The following PARN variants were observed in gnomAD, a reference collection of about 807,000 sequenced individuals.
PARN encodes poly(A)-specific ribonuclease PARN.
In PARN, 71 loss-of-function variants were observed where a neutral mutation model predicts 102.8. The ratio of observed to expected loss-of-function variants is 0.69; its 90% CI spans 0.57 to 0.84. The LOEUF (loss-of-function observed/expected upper bound fraction) is 0.84. Ranked by LOEUF, PARN falls within the 40% of genes least tolerant of loss-of-function variation. The probability of loss-of-function intolerance (pLI) is 0.00; values close to 1 mark genes in which losing one functional copy is unlikely to be tolerated. For synonymous variants in PARN, 261 were observed against 252.9 expected (o/e 1.03, Z -0.30); for missense variants, 782 against 760.9 (o/e 1.03, Z -0.33).
rs900166980 is a variant in PARN, at chr16:14,609,069, C to T, written c.609G>A (p.Glu203=). The T allele has an allele frequency of 1.3e-6, 2 of 1,576,576 alleles. No individual in the cohort carries two copies. Among genetic ancestry groups the T allele is most frequent in the African/African-American group, 2.7e-5 (2 of 74,252 alleles). Residue 203 remains glutamate (E), a synonymous_variant, in exon 8 of 24, where the codon GAG becomes GAA. Transcript: ENST00000437198. The part of the protein sequence containing the change: ...QSEENKNLDL[E]PCTGFQRKLI... ...TCAGGACAACTAACCCGGTACATGG[C>T]TCTAAATCCAAGTTCTTGTTTTCTT...
At chr16:14,609,910 G>C (rs922322089) in intron 7 of PARN, among the ~76,000 whole-genome samples, 3 of 152,178 alleles carry the variant, frequency 2.0e-5, no homozygotes, top group East Asian at 3.9e-4. Context: ...CAGCTGATTA[G>C]CATTTAAAAA....
At chr16:14,583,570 A>C (rs1056975192) in intron 16 of PARN, among the ~76,000 whole-genome samples, 1 of 152,144 alleles carries the variant, frequency 6.6e-6, no homozygotes, top group Non-Finnish European at 1.5e-5. Context: ...TTCTCCCCCA[A>C]TGGCCCCACC....
At chr16:14,572,212 A>G (rs1203567177) in intron 18 of PARN, among the ~76,000 whole-genome samples, 2 of 152,184 alleles carry the variant, frequency 1.3e-5, no homozygotes, top group Non-Finnish European at 2.9e-5. Context: ...AGCTTGACAC[A>G]CGGGGTCCCT....
chr16:14,574,803 G>A (rs1470615727), intron 18 of PARN, among the ~76,000 whole-genome samples: 1 of 152,196 alleles, frequency 6.6e-6, no homozygotes, highest in Non-Finnish European at 1.5e-5. Context: ...AAGACAATGG[G>A]GAAAATGTCT....
At chr16:14,479,732 CA>C (rs1263570588) in intron 22 of PARN, among the ~76,000 whole-genome samples, 6 of 151,896 alleles carry the variant, frequency 4.0e-5, no homozygotes, top group African/African-American at 1.5e-4. Flanking sequence ...TGATTCTTGA[CA>C]AAGGTAGTGA....
At chr16:14,624,645 G>A (rs1367451223) in intron 5 of PARN, among the ~76,000 whole-genome samples, 1 of 152,232 alleles carries the variant, frequency 6.6e-6, no homozygotes, top group Admixed American at 6.5e-5. Context: ...TCGGCCAGAT[G>A]TGGTGGCTTA....
intron 18 of PARN, among the ~76,000 whole-genome samples, chr16:14,572,264 G>A (rs1339624838): frequency 1.3e-5 from 2 of 152,106 alleles, no homozygotes; most frequent in East Asian, 1.9e-4. Context: ...TGCTGGGCAC[G>A]AACGGCAGTT....
At chr16:14,566,255 A>G (rs1968421180) in intron 18 of PARN, among the ~76,000 whole-genome samples, 1 of 152,258 alleles carries the variant, frequency 6.6e-6, no homozygotes, top group Non-Finnish European at 1.5e-5. Context: ...CTGGGATTAT[A>G]CAAGTGGGGC....
intron 18 of PARN, among the ~76,000 whole-genome samples, chr16:14,569,125 T>C (rs575780941): frequency 7.7e-4 from 116 of 151,186 alleles, no homozygotes; most frequent in African/African-American, 1.5e-3. Context: ...GGCATGAGAA[T>C]TGCTAGAGCC....
chr16:14,492,328 T>G (rs1301607229), intron 21 of PARN, among the ~76,000 whole-genome samples: 1 of 151,666 alleles, frequency 6.6e-6, no homozygotes, highest in Non-Finnish European at 1.5e-5. Flanking sequence ...GGAAAGGAAA[T>G]GAATCAAGGA....
At chr16:14,454,608 G>C (rs1478569291) in intron 22 of PARN, among the ~76,000 whole-genome samples, 10 of 151,956 alleles carry the variant, frequency 6.6e-5, no homozygotes, top group Admixed American at 6.6e-4. Context: ...CATAAGAACA[G>C]AAATGTGGTT....
chr16:14,597,913 G>C (rs546882023), intron 12 of PARN, among the ~76,000 whole-genome samples: 13 of 152,202 alleles, frequency 8.5e-5, no homozygotes, highest in African/African-American at 3.1e-4. Context: ...GGAGGCTGAA[G>C]AAGGCAGATT....
intron 22 of PARN, among the ~76,000 whole-genome samples, chr16:14,459,291 T>C (rs918314473): frequency 6.6e-6 from 1 of 152,206 alleles, no homozygotes; most frequent in Non-Finnish European, 1.5e-5. Flanking sequence ...CTACAATAAA[T>C]TATTAGAACT....
At position 14,593,329 on chromosome 16, in the gene PARN, A is replaced by G; in HGVS notation, c.890T>C (p.Val297Ala). The stretch of plus-strand genomic sequence containing the variant: ...AGGCAGAGGGCAGTAGAACTGATGA[A>G]CTGTGTGCATGACGTCCAAGAGCAT... Reference protein sequence around the residue: ...HNMLLDVMHTVHQFYCPLPAD... With the variant: ...HNMLLDVMHTAHQFYCPLPAD... The change falls in exon 13 of 24, where the codon GTT becomes GCT. Residue 297 changes from valine (V) to alanine (A), a missense_variant. By Grantham distance (64) the Val-to-Ala change is moderately conservative. Coordinates refer to ENST00000437198, the MANE Select transcript of PARN (RefSeq NM_002582.4). 6.2e-7 allele frequency: 1 copy of G among 1,604,526 alleles called. No homozygotes were observed. The highest frequency in any genetic ancestry group is 8.5e-7 in the Non-Finnish European group (1 of 1,171,356).
At chr16:14,529,910 C>T (rs1407193067) in intron 21 of PARN, among the ~76,000 whole-genome samples, 3 of 152,114 alleles carry the variant, frequency 2.0e-5, no homozygotes, top group Non-Finnish European at 2.9e-5. Context: ...ATCCAGAAAT[C>T]CAGACCACGA....
rs777361926 is a variant in PARN, at chr16:14,599,981, A to G, written c.784-21T>C. The stretch of plus-strand genomic sequence containing the variant: ...TCCTCCTAATTAAAAAAATATATAC[A>G]TATGTATTATTGATGTATAAATATT... On this transcript the variant is annotated intron_variant, in intron 11 of 23. Transcript: ENST00000437198. 9.5e-6 allele frequency: 13 copies of G among 1,362,750 alleles called. No homozygotes were observed. The East Asian group carries it at 2.6e-4, about 27-fold the overall frequency. 84.4% of individuals were successfully genotyped at this position (1,362,750 alleles called of 1,614,324 possible). A position where few individuals can be genotyped will look rare whatever the true frequency, so the allele number is the denominator to read the frequency against.
intron 21 of PARN, among the ~76,000 whole-genome samples, chr16:14,515,961 A>T (rs1382383051): frequency 6.6e-6 from 1 of 152,152 alleles, no homozygotes; most frequent in Non-Finnish European, 1.5e-5. Context: ...GTAAATTGAT[A>T]GATAGACAGA....
At chr16:14,491,193 C>T (rs1474353133) in intron 21 of PARN, among the ~76,000 whole-genome samples, 4 of 151,114 alleles carry the variant, frequency 2.6e-5, no homozygotes, top group African/African-American at 9.7e-5. Flanking sequence ...CCTTACCCTG[C>T]TGACATGATC....
intron 21 of PARN, among the ~76,000 whole-genome samples, chr16:14,494,373 G>C (rs1263468130): frequency 6.6e-6 from 1 of 152,216 alleles, no homozygotes; most frequent in Non-Finnish European, 1.5e-5. Flanking sequence ...CGGGCTGAGG[G>C]TTAGAAAAGG....
Sources: allele counts gnomAD v4.1 joint callset (sites outside exome capture counted in the v4.1 genomes callset), GRCh38; gene constraint gnomAD v4.1.1; transcripts MANE v1.5; gene names NCBI Gene and HGNC (gene_info 2026-07-23, HGNC 2026-07-21).